The following EYA4 variants were observed in gnomAD, a reference collection of about 807,000 sequenced individuals.
The protein encoded by EYA4 is protein phosphatase EYA4.
EYA4 carries 31 observed loss-of-function variants against 87.9 expected under a neutral mutation model. That is an observed-to-expected ratio of 0.35 (90% CI 0.27 to 0.48). The LOEUF (loss-of-function observed/expected upper bound fraction) is 0.48. EYA4 is among the 20% of genes least tolerant of loss of function. EYA4 has a pLI of 0.99. For synonymous variants in EYA4, 263 were observed against 270.6 expected (o/e 0.97, Z 0.28); for missense variants, 678 against 761.4 (o/e 0.89, Z 1.29).
At chr6:133,439,599 T>C (rs1181204264) in intron 3 of EYA4, 1 of 152,240 alleles carries the variant, frequency 6.6e-6, no homozygotes, top group African/African-American at 2.4e-5. Context: ...CAAATAGCAC[T>C]TATTTGTCCC....
rs149025910 is a variant in EYA4, at chr6:133,464,318, A to G, written c.725-461A>G. Among the ~76,000 whole-genome samples the G allele has an allele frequency of 1.8e-3, 277 of 152,312 alleles. 1 individual carries two copies. The highest frequency in any genetic ancestry group is 0.01 in the Middle Eastern group (3 of 294). On this transcript the variant is annotated intron_variant, in intron 9 of 19. Transcript: ENST00000355286. ...GTTCTAAAGAAAAGACAAAGGGAAC[A>G]AAAGTACAAGGAGTTGCTAAATGGG...
intron 3 of EYA4, among the ~76,000 whole-genome samples, chr6:133,440,084 T>C (rs974156009): frequency 1.1e-4 from 16 of 152,234 alleles, no homozygotes; most frequent in African/African-American, 3.4e-4. Flanking sequence ...AGTTTTAGTT[T>C]TATAGTGGCA....
At chr6:133,288,929 C>T (rs1778274775) in intron 2 of EYA4, among the ~76,000 whole-genome samples, 1 of 152,076 alleles carries the variant, frequency 6.6e-6, no homozygotes, top group East Asian at 1.9e-4. Flanking sequence ...ACTGGTGGCC[C>T]TTCAAAAGGA....
At chr6:133,493,229 G>A (rs1390416731) in intron 13 of EYA4, among the ~76,000 whole-genome samples, 1 of 152,046 alleles carries the variant, frequency 6.6e-6, no homozygotes, top group East Asian at 1.9e-4. Flanking sequence ...AAACAACATG[G>A]TACTGTCATA....
chr6:133,389,170 A>G (rs996905831), intron 3 of EYA4, among the ~76,000 whole-genome samples: 10 of 152,150 alleles, frequency 6.6e-5, no homozygotes, highest in African/African-American at 2.2e-4. Flanking sequence ...TCATTTCACT[A>G]GTATAGAGAC....
chr6:133,257,350 A>G (rs377335582), intron 1 of EYA4, among the ~76,000 whole-genome samples: 2 of 152,114 alleles, frequency 1.3e-5, no homozygotes, highest in East Asian at 1.9e-4. Flanking sequence ...CCTTCCCCCA[A>G]CGTAGGTGAG....
chr6:133,529,344 G>A lies in EYA4; in HGVS notation c.*539G>A. 2 of 993,922 alleles carry A rather than the reference G, an allele frequency of 2.0e-6. No individual in the cohort carries two copies. Among genetic ancestry groups the A allele is most frequent in the Non-Finnish European group, 2.4e-6 (2 of 834,052 alleles). 61.6% of individuals were successfully genotyped at this position (993,922 alleles called of 1,614,324 possible). A position where few individuals can be genotyped will look rare whatever the true frequency, so the allele number is the denominator to read the frequency against. ...ACTTTATTAGCAGCTGACTTTCAAA[G>A]TGGATGCAATTTTTCTTTCTTTTGT... is the stretch of plus-strand genomic sequence containing the variant. On this transcript the variant is annotated 3_prime_UTR_variant, in exon 20 of 20. Coordinates refer to ENST00000355286, the MANE Select transcript of EYA4 (RefSeq NM_004100.5).
chr6:133,331,759 T>C (rs773598764), intron 2 of EYA4, among the ~76,000 whole-genome samples: 1 of 152,224 alleles, frequency 6.6e-6, no homozygotes, highest in African/African-American at 2.4e-5. Flanking sequence ...GTTGAAGCAA[T>C]TTTTGATTTT....
At chr6:133,383,440 C>A (rs1786413893) in intron 3 of EYA4, among the ~76,000 whole-genome samples, 1 of 131,374 alleles carries the variant, frequency 7.6e-6, no homozygotes, top group Non-Finnish European at 1.6e-5. Context: ...ATCACTTGAA[C>A]CTGGGAGGCG....
intron 2 of EYA4, among the ~76,000 whole-genome samples, chr6:133,314,209 T>C (rs1157952776): frequency 6.6e-6 from 1 of 152,140 alleles, no homozygotes; most frequent in African/African-American, 2.4e-5. Flanking sequence ...GAAAAAAATA[T>C]AGATGAGAAA....
intron 10 of EYA4, 144 bp downstream of exon 10, chr6:133,465,002 A>T: frequency 1.6e-6 from 1 of 636,412 alleles, no homozygotes; most frequent in Non-Finnish European, 2.8e-6. Context: ...ATAGTAAAAA[A>T]TTAGCTATCT....
At chr6:133,378,926 GGTGTGTGTGTGTGTGTGT>G (rs10681162) in intron 2 of EYA4, among the ~76,000 whole-genome samples, 1 of 141,726 alleles carries the variant, frequency 7.1e-6, no homozygotes, top group Non-Finnish European at 1.5e-5. Flanking sequence ...TTTCTGTCTT[GGTGTGTGTGTGTGTGTGT>G]GTGTGTGTGT....
chr6:133,335,527 A>G (rs555116065), intron 2 of EYA4, among the ~76,000 whole-genome samples: 35 of 152,338 alleles, frequency 2.3e-4, no homozygotes, highest in African/African-American at 7.9e-4. Context: ...GATAAAGCAA[A>G]TAACCATGCA....
At chr6:133,318,108 G>A (rs1012137055) in intron 2 of EYA4, among the ~76,000 whole-genome samples, 11 of 152,144 alleles carry the variant, frequency 7.2e-5, no homozygotes, top group African/African-American at 2.4e-4. Flanking sequence ...ACAATTCATG[G>A]AAATGATGTC....
chr6:133,374,838 C>T (rs577126308), intron 2 of EYA4, among the ~76,000 whole-genome samples: 1 of 152,024 alleles, frequency 6.6e-6, no homozygotes, highest in Admixed American at 6.6e-5. Flanking sequence ...ATCTTTGTTT[C>T]TAAGGAAAAC....
intron 2 of EYA4, among the ~76,000 whole-genome samples, chr6:133,298,331 G>A (rs985223702): frequency 2.0e-5 from 3 of 151,990 alleles, no homozygotes; most frequent in Admixed American, 1.3e-4. Flanking sequence ...TGACGAATCC[G>A]GCTTCTTTTG....
intron 2 of EYA4, among the ~76,000 whole-genome samples, chr6:133,309,058 T>C (rs1780021063): frequency 6.6e-6 from 1 of 152,096 alleles, no homozygotes. Flanking sequence ...TATTCACTTT[T>C]TAAAACAAAA....
chr6:133,414,882 G>T (rs988441106), intron 3 of EYA4, among the ~76,000 whole-genome samples: 1 of 152,120 alleles, frequency 6.6e-6, no homozygotes, highest in Non-Finnish European at 1.5e-5. Context: ...GGTGGGTGAC[G>T]TTATATGTCA....
chr6:133,276,685 T>C (rs1375624223), intron 2 of EYA4, among the ~76,000 whole-genome samples: 3 of 152,104 alleles, frequency 2.0e-5, no homozygotes, highest in Admixed American at 6.5e-5. Flanking sequence ...ATTTGCTGAA[T>C]TTAAATTTCA....
Sources: gnomAD v4.1 joint callset for allele counts (sites outside exome capture counted in the v4.1 genomes callset) on GRCh38, gnomAD v4.1.1 for gene constraint, MANE v1.5 for transcripts, NCBI Gene and HGNC (gene_info 2026-07-23, HGNC 2026-07-21) for gene names.